The following MYCBP2 variants were observed in gnomAD, a reference collection of about 807,000 sequenced individuals.
MYCBP2 encodes E3 ubiquitin-protein ligase MYCBP2.
In MYCBP2, 120 loss-of-function variants were observed where a neutral mutation model predicts 525.3. That is an observed-to-expected ratio of 0.23 (90% CI 0.20 to 0.27). The LOEUF (loss-of-function observed/expected upper bound fraction) is 0.27. Among genes scored for constraint, MYCBP2 ranks in the 10% least tolerant of loss-of-function variants. MYCBP2 has a pLI of 1.00. For synonymous variants in MYCBP2, 1,894 were observed against 1,955.8 expected (o/e 0.97, Z 0.83); for missense variants, 4,149 against 5,657.1 (o/e 0.73, Z 8.55).
Position 77,326,944 on chromosome 13 carries a change from C to A in MYCBP2, c.-169G>T. 1 of 548,210 alleles carries A rather than the reference C, an allele frequency of 1.8e-6. No individual in the cohort carries two copies. The highest frequency in any genetic ancestry group is 2.8e-6 in the Non-Finnish European group (1 of 352,050). 34.0% of individuals were successfully genotyped at this position (548,210 alleles called of 1,614,324 possible). ...ACCTCCTTCTCCTCCTCCTTCTTCT[C>A]CTCCTCCCCCCCGCGCCGCCCTCGC... On this transcript the variant is annotated 5_prime_UTR_variant, in exon 1 of 83. Transcript: ENST00000544440. This position sits in a 1 kb window ranked among gnomAD's most constrained non-coding sequence, Gnocchi z 4.2.
intron 27 of MYCBP2, 78 bp from the exon 28 acceptor site, chr13:77,191,891 G>A: frequency 7.1e-7 from 1 of 1,400,194 alleles, no homozygotes; most frequent in Middle Eastern, 2.0e-4. Flanking sequence ...AAAATCCCTT[G>A]TGAACAAAAA....
intron 55 of MYCBP2, among the ~76,000 whole-genome samples, chr13:77,114,847 A>G (rs2049441892): frequency 6.6e-6 from 1 of 152,038 alleles, no homozygotes; most frequent in African/African-American, 2.4e-5. Flanking sequence ...TTCTACCACA[A>G]ACAAATAAAT....
chr13:77,245,394 G>C (rs996792658), intron 15 of MYCBP2, among the ~76,000 whole-genome samples: 5 of 152,106 alleles, frequency 3.3e-5, no homozygotes, highest in Non-Finnish European at 7.4e-5. Context: ...AGAAAATGTG[G>C]CACATATTCA....
In MYCBP2 at chr13:77,045,016, ATTAT is replaced by A. The variant is rs2035289920; in HGVS notation, c.*358_*361del. On this transcript the variant is annotated 3_prime_UTR_variant, in exon 83 of 83. Coordinates refer to ENST00000544440, the MANE Select transcript of MYCBP2 (RefSeq NM_015057.5). Reference sequence around the variant, plus strand: ...AAAAGGCAGTATACAATAAACAATGATTATTTTTCTTTTTTGCTTGAAAGCCAGC... The same window carrying A: ...AAAAGGCAGTATACAATAAACAATGATTTTCTTTTTTGCTTGAAAGCCAGC... 1 of 404,458 alleles carries A rather than the reference ATTAT, an allele frequency of 2.5e-6. No individual in the cohort carries two copies. Among genetic ancestry groups the A allele is most frequent in the Non-Finnish European group, 4.4e-6 (1 of 229,216 alleles). The allele number at this position is 404,458 out of a possible 1,614,324, so 25.1% of individuals were successfully genotyped here.
chr13:77,261,989 C>T (rs1284375527), intron 11 of MYCBP2, 64 bp downstream of exon 11: 14 of 1,273,984 alleles, frequency 1.1e-5, no homozygotes, highest in African/African-American at 8.9e-5. Flanking sequence ...AACTAATCAA[C>T]AGATTGTATT....
chr13:77,070,573 A>ACACAC, intron 69 of MYCBP2, 58 bp downstream of exon 69: 1 of 1,079,412 alleles, frequency 9.3e-7, no homozygotes, highest in African/African-American at 1.6e-5. Context: ...CAAACAAACA[A>ACACAC]ACACACACAC....
At chr13:77,212,207 T>A (rs1593957223) in intron 21 of MYCBP2, 47 bp from the exon 22 acceptor site, 4 of 1,537,744 alleles carry the variant, frequency 2.6e-6, no homozygotes, top group African/African-American at 2.7e-5. Flanking sequence ...GTGTAAACAA[T>A]CTAATTTTCA....
intron 4 of MYCBP2, among the ~76,000 whole-genome samples, chr13:77,274,504 G>A (rs2075281359): frequency 6.6e-6 from 1 of 152,074 alleles, no homozygotes; most frequent in African/African-American, 2.4e-5. Context: ...GAGAGAAGGA[G>A]GAGAACAAGA....
At chr13:77,129,011 G>T (rs1327347949) in intron 52 of MYCBP2, 14 of 387,358 alleles carry the variant, frequency 3.6e-5, no homozygotes, top group African/African-American at 2.9e-4. Flanking sequence ...GCAGGAGTGA[G>T]AAAACTCAAT....
intron 26 of MYCBP2, among the ~76,000 whole-genome samples, chr13:77,204,877 A>G (rs1022145947): frequency 9.8e-5 from 12 of 122,376 alleles, no homozygotes; most frequent in Non-Finnish European, 4.8e-5. Flanking sequence ...GAAGGGGAAC[A>G]TCACACTCTG....
At chr13:77,198,918 T>A (rs921184049) in intron 26 of MYCBP2, among the ~76,000 whole-genome samples, 5 of 152,234 alleles carry the variant, frequency 3.3e-5, no homozygotes, top group African/African-American at 9.6e-5. Flanking sequence ...AGGACTGAGA[T>A]ATAGTCTTTC....
chr13:77,153,455 A>C (rs2056787562), intron 46 of MYCBP2, among the ~76,000 whole-genome samples: 1 of 152,234 alleles, frequency 6.6e-6, no homozygotes, highest in Admixed American at 6.5e-5. Flanking sequence ...TCCTGTCTCA[A>C]ACATATTTGA....
chr13:77,286,789 A>AATAT (rs1197559343), intron 3 of MYCBP2, among the ~76,000 whole-genome samples: 3,553 of 42,138 alleles, frequency 0.084, 199 homozygotes, highest in East Asian at 0.16. Context: ...AAAAAAAAAA[A>AATAT]ATATATATAT....
intron 26 of MYCBP2, among the ~76,000 whole-genome samples, chr13:77,203,343 G>A (rs2062860018): frequency 6.6e-6 from 1 of 152,106 alleles, no homozygotes; most frequent in East Asian, 1.9e-4. Context: ...TACAAGGGAT[G>A]GGAAGGACCT....
At chr13:77,085,351 TC>T (rs2044060604) in intron 62 of MYCBP2, among the ~76,000 whole-genome samples, 1 of 152,172 alleles carries the variant, frequency 6.6e-6, no homozygotes, top group Admixed American at 6.5e-5. Context: ...GCTTTATGTG[TC>T]CAGTAAACAG....
chr13:77,112,323 T>C (rs1284325477), intron 55 of MYCBP2, among the ~76,000 whole-genome samples: 1 of 146,628 alleles, frequency 6.8e-6, no homozygotes, highest in African/African-American at 2.5e-5. Flanking sequence ...TTATATATAA[T>C]GTTTTATTTA....
intron 55 of MYCBP2, among the ~76,000 whole-genome samples, chr13:77,114,655 G>A (rs2049406750): frequency 6.6e-6 from 1 of 152,002 alleles, no homozygotes; most frequent in Non-Finnish European, 1.5e-5. Flanking sequence ...GTAACCTAGA[G>A]CTATGATATC....
In MYCBP2 at chr13:77,093,325, G is replaced by A. The variant is rs2045731314; in HGVS notation, c.10207C>T (p.His3403Tyr). 1 of 1,612,770 alleles carries A rather than the reference G, an allele frequency of 6.2e-7. No homozygotes were observed. The highest frequency in any genetic ancestry group is 8.5e-7 in the Non-Finnish European group (1 of 1,179,340). The change falls in exon 59 of 83, where the codon CAT becomes TAT. Residue 3403 changes from histidine to tyrosine, a missense_variant. By Grantham distance (83) the His-to-Tyr change is moderately conservative. Transcript: ENST00000544440. ...TCTTGATAGCCCACAAAATTTTCAT[G>A]ATGATGCCTGCATTAAATCAAACCC... ...LYLQTLARHH[H>Y]ENFVGYQDDN...
At chr13:77,118,678 C>CT (rs1300010396) in intron 55 of MYCBP2, among the ~76,000 whole-genome samples, 97 of 147,370 alleles carry the variant, frequency 6.6e-4, no homozygotes, top group African/African-American at 1.7e-3. Context: ...ATTTTGCAAG[C>CT]TTTTTTTTTT....
Sources: gnomAD v4.1 joint callset for allele counts (sites outside exome capture counted in the v4.1 genomes callset) on GRCh38, gnomAD v4.1.1 for gene constraint, Gnocchi (gnomAD v3.1) non-coding constraint, MANE v1.5 for transcripts, NCBI Gene and HGNC (gene_info 2026-07-23, HGNC 2026-07-21) for gene names.